The following CCR3 variants were observed in gnomAD, a reference collection of about 807,000 sequenced individuals.
CCR3 encodes C-C chemokine receptor type 3.
For synonymous variants in CCR3, 203 were observed against 179.2 expected, an observed-to-expected ratio of 1.13 and a Z score of -1.06; for missense variants, 419 against 437.5, an observed-to-expected ratio of 0.96 and a Z score of 0.38.
chr3:46,216,724 C>T (rs1260339157), intron 2 of CCR3, among the ~76,000 whole-genome samples: 1 of 152,134 alleles, frequency 6.6e-6, no homozygotes. Context: ...AAATAATTAT[C>T]ACCCTAGAGC....
chr3:46,251,830 G>T (rs1297056454), intron 1 of CCR3, among the ~76,000 whole-genome samples: 1 of 152,086 alleles, frequency 6.6e-6, no homozygotes, highest in Non-Finnish European at 1.5e-5. Flanking sequence ...CTCAGTGGGG[G>T]TGATTTAAAA....
chr3:46,261,662 G>T (rs1449353982), intron 1 of CCR3, among the ~76,000 whole-genome samples: 1 of 152,226 alleles, frequency 6.6e-6, no homozygotes, highest in South Asian at 2.1e-4. Flanking sequence ...TCCCTGTGGG[G>T]CACTTCCTTA....
intron 1 of CCR3, among the ~76,000 whole-genome samples, chr3:46,250,463 C>T (rs1258805724): frequency 1.3e-5 from 2 of 151,956 alleles, no homozygotes; most frequent in Non-Finnish European, 1.5e-5. Context: ...TTGCACTGGG[C>T]ACAGAGACTA....
chr3:46,241,166 G>GCTCTCTCTCTCT (rs58133632), upstream of CCR3, among the ~76,000 whole-genome samples: 37,366 of 149,000 alleles, frequency 0.25, 4,995 homozygotes, highest in African/African-American at 0.33. Context: ...ATGTGTGTGC[G>GCTCTCTCTCTCT]CTCTCTCTCT....
chr3:46,214,169 A>T (rs572764380), intron 2 of CCR3, among the ~76,000 whole-genome samples: 7 of 152,180 alleles, frequency 4.6e-5, no homozygotes, highest in African/African-American at 1.7e-4. Context: ...TAAACCTCCA[A>T]CACCACCTGT....
intron 1 of CCR3, among the ~76,000 whole-genome samples, chr3:46,244,027 T>A (rs1057318216): frequency 3.3e-5 from 5 of 152,118 alleles, no homozygotes; most frequent in African/African-American, 1.2e-4. Flanking sequence ...GTGCCAAGAG[T>A]ATATATATTG....
intron 2 of CCR3, among the ~76,000 whole-genome samples, chr3:46,223,692 C>T (rs540573092): frequency 6.6e-6 from 1 of 152,178 alleles, no homozygotes; most frequent in African/African-American, 2.4e-5. Context: ...GACATTATCA[C>T]GTGTCACTTG....
chr3:46,259,964 T>C (rs1057082708), intron 1 of CCR3, among the ~76,000 whole-genome samples: 1 of 152,206 alleles, frequency 6.6e-6, no homozygotes, highest in Non-Finnish European at 1.5e-5. Context: ...AAGAGTTTTA[T>C]TGGACTTCCA....
chr3:46,251,496 C>T (rs1476652901), intron 1 of CCR3, among the ~76,000 whole-genome samples: 1 of 152,012 alleles, frequency 6.6e-6, no homozygotes, highest in East Asian at 1.9e-4. Context: ...TTGGGCTGGT[C>T]GGTCTGAGGA....
chr3:46,242,468 T>C lies in CCR3; in HGVS notation c.-82T>C. On this transcript the variant is annotated 5_prime_UTR_variant, in exon 1 of 2. Coordinates refer to ENST00000395940, the MANE Select transcript of CCR3 (RefSeq NM_178329.3). ...TCACTAAATTAGCAGGTACCACTGG[T>C]CTTCTTGTGCTTATCCGGGCAAGAA... 6.6e-6 allele frequency: 1 copy of C among 152,190 alleles called. No homozygotes were observed. Among genetic ancestry groups the C allele is most frequent in the East Asian group, 1.9e-4 (1 of 5,202 alleles). 9.4% of individuals were successfully genotyped at this position (152,190 alleles called of 1,614,324 possible).
upstream of CCR3, chr3:46,242,300 C>T (rs140788942): frequency 8.6e-4 from 131 of 152,228 alleles, no homozygotes; most frequent in African/African-American, 3.1e-3. Context: ...TTTCTGAAAA[C>T]TTGCAAAACT....
In CCR3 at chr3:46,265,585, C is replaced by T. The variant is rs754911047; in HGVS notation, c.427C>T (p.Arg143Ter). The stretch of plus-strand genomic sequence containing the variant: ...CATTGTCCATGCTGTGTTTGCCCTT[C>T]GAGCCCGGACTGTCACTTTTGGTGT... Reference protein sequence around the residue: ...LAIVHAVFALRARTVTFGVIT... With the variant: ...LAIVHAVFAL The change falls in exon 2 of 2, where the codon CGA becomes TGA. Residue 143 changes from arginine to a stop codon, truncating the protein, a stop_gained. Coordinates refer to ENST00000395940, the MANE Select transcript of CCR3 (RefSeq NM_178329.3). LOFTEE classifies it low-confidence loss of function (END_TRUNC). 1.4e-5 allele frequency: 23 copies of T among 1,614,008 alleles called. No individual in the cohort carries two copies. The highest frequency in any genetic ancestry group is 1.3e-4 in the South Asian group (12 of 91,074).
intron 1 of CCR3, among the ~76,000 whole-genome samples, chr3:46,242,952 C>CATAT (rs993802550): frequency 1.3e-5 from 1 of 77,024 alleles, no homozygotes; most frequent in Non-Finnish European, 2.3e-5. Context: ...TATAATTTTA[C>CATAT]ATATATATGT....
chr3:46,248,198 C>G (rs925370861), intron 1 of CCR3, among the ~76,000 whole-genome samples: 2 of 151,928 alleles, frequency 1.3e-5, no homozygotes, highest in Non-Finnish European at 2.9e-5. Flanking sequence ...GACTGAAGTC[C>G]GGGCCAGGAA....
upstream of CCR3, among the ~76,000 whole-genome samples, chr3:46,238,552 T>C (rs908736035): frequency 6.6e-6 from 1 of 152,342 alleles, no homozygotes; most frequent in African/African-American, 2.4e-5. Flanking sequence ...GGAGTTTATA[T>C]GAGGATTTAC....
chr3:46,232,804 G>C (rs1227480814), intron 2 of CCR3, among the ~76,000 whole-genome samples: 1 of 152,170 alleles, frequency 6.6e-6, no homozygotes, highest in Non-Finnish European at 1.5e-5. Flanking sequence ...TGTCTCTTTT[G>C]TAGAATAGGC....
upstream of CCR3, among the ~76,000 whole-genome samples, chr3:46,238,193 A>G (rs1290752577): frequency 6.6e-6 from 1 of 152,008 alleles, no homozygotes; most frequent in East Asian, 1.9e-4. Context: ...TTTCTTTCCC[A>G]CTAGCTCTGT....
At chr3:46,247,546 A>G (rs1243905203) in intron 1 of CCR3, among the ~76,000 whole-genome samples, 1 of 152,136 alleles carries the variant, frequency 6.6e-6, no homozygotes, top group East Asian at 1.9e-4. Flanking sequence ...AGAGGACTAT[A>G]AGGGATATAA....
intron 2 of CCR3, among the ~76,000 whole-genome samples, chr3:46,234,663 A>G (rs774539449): frequency 2.0e-5 from 3 of 152,202 alleles, no homozygotes; most frequent in Non-Finnish European, 4.4e-5. Flanking sequence ...TGTGGAACAC[A>G]CAGTAGAGTC....
Sources: gnomAD v4.1 joint callset for allele counts (sites outside exome capture counted in the v4.1 genomes callset) on GRCh38, gnomAD v4.1.1 for gene constraint, MANE v1.5 for transcripts, NCBI Gene and HGNC (gene_info 2026-07-23, HGNC 2026-07-21) for gene names.